The following CEP57 variants were observed in gnomAD, a reference collection of about 807,000 sequenced individuals.
CEP57 encodes the protein centrosomal protein of 57 kDa.
CEP57 carries 40 observed loss-of-function variants against 68.0 expected under a neutral mutation model. The observed-to-expected ratio is 0.59, with a 90% CI of 0.46 to 0.77. The LOEUF is 0.77. Among genes scored for constraint, CEP57 ranks in the 30% least tolerant of loss-of-function variants. The pLI, the probability that CEP57 is intolerant of heterozygous loss-of-function variation, is 0.00. For synonymous variants in CEP57, 219 were observed against 198.7 expected (o/e 1.10, Z -0.86); for missense variants, 606 against 580.7 (o/e 1.04, Z -0.45).
intron 4 of CEP57, among the ~76,000 whole-genome samples, chr11:95,813,927 T>C (rs1260687169): frequency 1.3e-5 from 2 of 152,246 alleles, no homozygotes; most frequent in Admixed American, 1.3e-4. Context: ...TAGATGACTT[T>C]GTAAAACTCT....
At chr11:95,827,752 T>A in intron 8 of CEP57, 34 bp from the exon 9 acceptor site, 1 of 1,612,920 alleles carries the variant, frequency 6.2e-7, no homozygotes, top group Non-Finnish European at 8.5e-7. Context: ...GAATATAACT[T>A]CAATTACTTC....
At chr11:95,793,598 A>C (rs1346364501) in intron 1 of CEP57, among the ~76,000 whole-genome samples, 3 of 152,262 alleles carry the variant, frequency 2.0e-5, no homozygotes, top group African/African-American at 7.2e-5. Flanking sequence ...CACGTATTTT[A>C]AGATTATAAT....
intron 2 of CEP57, among the ~76,000 whole-genome samples, chr11:95,808,165 G>A (rs1861893052): frequency 6.6e-6 from 1 of 152,066 alleles, no homozygotes; most frequent in African/African-American, 2.4e-5. Flanking sequence ...ACAAGCAAAT[G>A]CTGAGAGATT....
intron 1 of CEP57, among the ~76,000 whole-genome samples, chr11:95,797,271 A>G (rs1262979914): frequency 1.3e-5 from 2 of 151,150 alleles, no homozygotes; most frequent in East Asian, 3.9e-4. Flanking sequence ...GGTTCAAGTG[A>G]TTCTCCTGCC....
At chr11:95,794,531 T>G (rs1245172646) in intron 1 of CEP57, among the ~76,000 whole-genome samples, 2 of 152,152 alleles carry the variant, frequency 1.3e-5, no homozygotes, top group African/African-American at 4.8e-5. Flanking sequence ...CCTCTTATCA[T>G]TGGTGAGTAT....
intron 10 of CEP57, 50 bp from the exon 11 acceptor site, chr11:95,830,976 T>C: frequency 3.5e-6 from 5 of 1,448,446 alleles, no homozygotes; most frequent in Non-Finnish European, 4.8e-6. Context: ...AGAAAAAAAA[T>C]ATTTTCATTA....
rs1860970224 is a variant in CEP57 at position 95,790,530 on chromosome 11, T to C, written c.-169T>C. On this transcript the variant is annotated 5_prime_UTR_variant, in exon 1 of 11. Coordinates refer to ENST00000325542, the MANE Select transcript of CEP57 (RefSeq NM_014679.5). ...TGTAAGCTGTGAGCGTAGGCGGCCC[T>C]GAGGGGGTGTGTTGCAGGGGTTTCC... 3 of 714,946 alleles carry C rather than the reference T, an allele frequency of 4.2e-6. No individual in the cohort carries two copies. The Admixed American group carries it at 7.5e-5, about 18-fold the overall frequency. 44.3% of individuals were successfully genotyped at this position (714,946 alleles called of 1,614,324 possible).
rs1369627054 is a variant in CEP57, at chr11:95,790,606, G to A, written c.-93G>A. On this transcript the variant is annotated 5_prime_UTR_variant, in exon 1 of 11. Transcript: ENST00000325542. ...TTTTCCATCAGGGGTTCAGCCTAGG[G>A]TCCCCGCTGGTGGGCGGCTCCCGAG... 6.7e-7 allele frequency: 1 copy of A among 1,483,688 alleles called. No individual in the cohort carries two copies. The highest frequency in any genetic ancestry group is 9.3e-7 in the Non-Finnish European group (1 of 1,081,032). The allele number at this position is 1,483,688 out of a possible 1,614,324, so 91.9% of individuals were successfully genotyped here. A position where few individuals can be genotyped will look rare whatever the true frequency, so the allele number is the denominator to read the frequency against.
At chr11:95,826,620 G>T (rs1166271127) in intron 8 of CEP57, 4 of 152,150 alleles carry the variant, frequency 2.6e-5, no homozygotes, top group African/African-American at 9.7e-5. Context: ...TTTCATTATG[G>T]CAGAGTTTTG....
At chr11:95,821,824 T>C in intron 6 of CEP57, 47 bp from the exon 7 acceptor site, 3 of 1,322,766 alleles carry the variant, frequency 2.3e-6, no homozygotes, top group South Asian at 1.2e-5. Context: ...ATCTGAGTCA[T>C]AGCTTTTATT....
At chr11:95,829,793 T>TTCATATATTTAAGAGATTACTGTAGTGAC (rs1862924581) in intron 10 of CEP57, among the ~76,000 whole-genome samples, 3 of 152,092 alleles carry the variant, frequency 2.0e-5, no homozygotes, top group African/African-American at 7.2e-5. Flanking sequence ...AGAAACATGA[T>TTCATATATTTAAGAGATTACTGTAGTGAC]TCATATATTT....
chr11:95,790,824 A>T, intron 1 of CEP57, 81 bp downstream of exon 1: 10 of 1,524,976 alleles, frequency 6.6e-6, no homozygotes, highest in Non-Finnish European at 9.0e-6. Context: ...GGGCGCTGTC[A>T]GTCCAGCTTC....
chr11:95,825,254 T>A (rs61903296), intron 8 of CEP57, among the ~76,000 whole-genome samples: 10,840 of 152,198 alleles, frequency 0.071, 508 homozygotes, highest in Middle Eastern at 0.13. Flanking sequence ...GAAAAAGTCA[T>A]GAAAGCCATC....
At chr11:95,821,060 A>G (rs1862499051) in intron 6 of CEP57, among the ~76,000 whole-genome samples, 3 of 152,222 alleles carry the variant, frequency 2.0e-5, no homozygotes, top group African/African-American at 4.8e-5. Flanking sequence ...ATACTTTAAA[A>G]TATGAATTTC....
At chr11:95,827,340 T>C (rs923217213) in intron 8 of CEP57, 1 of 180,030 alleles carries the variant, frequency 5.6e-6, no homozygotes, top group African/African-American at 2.4e-5. Context: ...ATAAATGCTA[T>C]GAGAGAGATG....
intron 2 of CEP57, among the ~76,000 whole-genome samples, chr11:95,807,582 C>T (rs1202678882): frequency 6.6e-6 from 1 of 152,096 alleles, no homozygotes; most frequent in Non-Finnish European, 1.5e-5. Context: ...GCACAAGACT[C>T]AGTAGCCGAT....
intron 2 of CEP57, among the ~76,000 whole-genome samples, chr11:95,800,559 T>C (rs942810447): frequency 6.6e-6 from 1 of 151,852 alleles, no homozygotes; most frequent in Non-Finnish European, 1.5e-5. Flanking sequence ...GCCCAGCTAG[T>C]TTTTGTATTT....
At chr11:95,824,980 T>C (rs560116866) in intron 8 of CEP57, among the ~76,000 whole-genome samples, 30 of 152,324 alleles carry the variant, frequency 2.0e-4, no homozygotes, top group African/African-American at 7.2e-4. Context: ...AGTAAGAGAC[T>C]GCCTTTTAAA....
intron 2 of CEP57, among the ~76,000 whole-genome samples, chr11:95,809,189 A>G (rs1482656920): frequency 8.5e-5 from 13 of 152,230 alleles, no homozygotes; most frequent in Admixed American, 8.5e-4. Flanking sequence ...ATTCTTTGGG[A>G]CACATTCAAA....
Sources: allele counts gnomAD v4.1 joint callset (sites outside exome capture counted in the v4.1 genomes callset), GRCh38; gene constraint gnomAD v4.1.1; transcripts MANE v1.5; gene names NCBI Gene and HGNC (gene_info 2026-07-23, HGNC 2026-07-21).